The following CREB3L1 variants were observed in gnomAD, a reference collection of about 807,000 sequenced individuals.
The protein encoded by CREB3L1 is cyclic AMP-responsive element-binding protein 3-like protein 1.
A neutral mutation model predicts 54.5 loss-of-function variants in CREB3L1; 33 were observed. The observed-to-expected ratio is 0.61, with a 90% CI of 0.46 to 0.81. The LOEUF (loss-of-function observed/expected upper bound fraction) is 0.81, where lower values mean the gene tolerates loss of function less well. CREB3L1 is among the 30% of genes least tolerant of loss of function. The pLI, the probability that CREB3L1 is intolerant of heterozygous loss-of-function variation, is 0.00. For missense variants in CREB3L1, 656 were observed against 673.3 expected (o/e 0.97, Z 0.29); for synonymous variants, 284 against 286.4 (o/e 0.99, Z 0.08).
chr11:46,314,034 C>T (rs980219998), intron 8 of CREB3L1, among the ~76,000 whole-genome samples: 9 of 152,112 alleles, frequency 5.9e-5, no homozygotes, highest in Admixed American at 2.0e-4. Context: ...GCCAAGAGTT[C>T]GAGACCAGCC....
chr11:46,293,656 A>AGTCCCAGCCCTCAGT (rs1189748939), intron 1 of CREB3L1, among the ~76,000 whole-genome samples: 2 of 152,218 alleles, frequency 1.3e-5, no homozygotes, highest in Non-Finnish European at 2.9e-5. Context: ...CGCTTTCTTC[A>AGTCCCAGCCCTCAGT]GTCCCAGCCC....
intron 1 of CREB3L1, among the ~76,000 whole-genome samples, chr11:46,296,964 C>T (rs1489488137): frequency 6.6e-6 from 1 of 152,202 alleles, no homozygotes; most frequent in African/African-American, 2.4e-5. Flanking sequence ...TTCAGGGAGT[C>T]CAGCCCAGAT....
At chr11:46,308,710 G>A (rs376998577) in intron 3 of CREB3L1, among the ~76,000 whole-genome samples, 2 of 152,328 alleles carry the variant, frequency 1.3e-5, no homozygotes, top group South Asian at 2.1e-4. Flanking sequence ...AGATGGGAGC[G>A]TGGCTGGCCC....
At chr11:46,285,697 T>TGGCC (rs1939045254) in intron 1 of CREB3L1, among the ~76,000 whole-genome samples, 1 of 152,210 alleles carries the variant, frequency 6.6e-6, no homozygotes, top group South Asian at 2.1e-4. Flanking sequence ...GCCGCTTCCT[T>TGGCC]GGCCGTTGGC....
intron 1 of CREB3L1, among the ~76,000 whole-genome samples, chr11:46,281,726 C>A (rs566618729): frequency 6.6e-6 from 1 of 152,164 alleles, no homozygotes; most frequent in Non-Finnish European, 1.5e-5. Flanking sequence ...CCCCAGCCTT[C>A]GGGAGATTTA....
rs750728560 is a variant in CREB3L1 at position 46,321,184 on chromosome 11, G to A, written c.*438G>A. The A allele has an allele frequency of 5.9e-5, 20 of 338,878 alleles. No homozygotes were observed. Among genetic ancestry groups the A allele is most frequent in the Non-Finnish European group, 9.1e-5 (16 of 175,424 alleles). The allele number at this position is 338,878 out of a possible 1,614,324, so 21.0% of individuals were successfully genotyped here. The stretch of plus-strand genomic sequence containing the variant: ...ATTATTGCCAATCCCCTAAGATATT[G>A]TATTTTACAAATCTCCCTCTTCCCT... On this transcript the variant is annotated 3_prime_UTR_variant, in exon 12 of 12. Transcript: ENST00000621158.
In CREB3L1 at chr11:46,305,637, T is replaced by C. The variant is rs566949778; in HGVS notation, c.332-2179T>C. On this transcript the variant is annotated intron_variant, in intron 2 of 11. Coordinates refer to ENST00000621158, the MANE Select transcript of CREB3L1 (RefSeq NM_052854.4). ...GTGTGTGTATATATATGTATATATATACATATATATGTGTGTATATATGTG... is the reference window on the plus strand; with the variant it reads ...GTGTGTGTATATATATGTATATATACACATATATATGTGTGTATATATGTG... Among the ~76,000 whole-genome samples, 465 of 94,812 alleles carry C rather than the reference T, an allele frequency of 4.9e-3. 7 individuals are homozygous for C. The highest frequency in any genetic ancestry group is 0.02 in the African/African-American group (435 of 21,244). 62.2% of individuals were successfully genotyped at this position (94,812 alleles called of 152,430 possible).
chr11:46,307,456 T>C (rs1939415213), intron 2 of CREB3L1, among the ~76,000 whole-genome samples: 1 of 152,204 alleles, frequency 6.6e-6, no homozygotes, highest in African/African-American at 2.4e-5. Context: ...ATGTACATTA[T>C]ACTACTTAAG....
chr11:46,292,997 A>C (rs1208761673), intron 1 of CREB3L1, among the ~76,000 whole-genome samples: 2 of 152,090 alleles, frequency 1.3e-5, no homozygotes, highest in African/African-American at 4.8e-5. Flanking sequence ...CTTACCCTTC[A>C]TTGTCACACC....
At chr11:46,280,183 G>GTTTTT (rs796726505) in intron 1 of CREB3L1, among the ~76,000 whole-genome samples, 4 of 138,822 alleles carry the variant, frequency 2.9e-5, no homozygotes, top group Non-Finnish European at 3.2e-5. Context: ...TTTTTTTTTT[G>GTTTTT]TTTTTTGTTT....
rs549770300 is a variant in CREB3L1, at chr11:46,317,141, AC to A, written c.1132-214del. 7.8e-4 allele frequency among the ~76,000 whole-genome samples: 119 copies of A among 151,720 alleles called. 1 individual carries two copies. Among genetic ancestry groups the A allele is most frequent in the African/African-American group, 2.7e-3 (113 of 41,362 alleles). ...CTTACTTCTAGCACTGCCTGTGGCG[AC>A]CCCCCTACAATGGGCTGGGATGGCC... On this transcript the variant is annotated intron_variant, in intron 9 of 11. Coordinates refer to ENST00000621158, the MANE Select transcript of CREB3L1 (RefSeq NM_052854.4).
At position 46,277,862 on chromosome 11, in the gene CREB3L1, C is replaced by T; in HGVS notation, c.-250C>T. On this transcript the variant is annotated 5_prime_UTR_variant, in exon 1 of 12. Transcript: ENST00000621158. Reference sequence around the variant, plus strand: ...CAGGAGGAGCAGGAGGAGGTGGAGTCGGCTGAATGCCCACGGTGCGCCCGG... The same window carrying T: ...CAGGAGGAGCAGGAGGAGGTGGAGTTGGCTGAATGCCCACGGTGCGCCCGG... 5.6e-6 allele frequency: 2 copies of T among 357,504 alleles called. No individual in the cohort carries two copies. Among genetic ancestry groups the T allele is most frequent in the Non-Finnish European group, 1.0e-5 (2 of 199,264 alleles). The allele number at this position is 357,504 out of a possible 1,614,324, so 22.1% of individuals were successfully genotyped here. A position where few individuals can be genotyped will look rare whatever the true frequency, so the allele number is the denominator to read the frequency against.
At position 46,316,424 on chromosome 11, in the gene CREB3L1, G is replaced by A. The variant is rs563695692; in HGVS notation, c.1131+39G>A. 10 of 1,348,396 alleles carry A rather than the reference G, an allele frequency of 7.4e-6. No individual in the cohort carries two copies. In the African/African-American group the frequency reaches 1.3e-4, roughly 18 times the overall value. The allele number at this position is 1,348,396 out of a possible 1,614,324, so 83.5% of individuals were successfully genotyped here. A position where few individuals can be genotyped will look rare whatever the true frequency, so the allele number is the denominator to read the frequency against. On this transcript the variant is annotated intron_variant, in intron 9 of 11. Transcript: ENST00000621158. ...CCTCCACCACAGACCCACAGGAGGA[G>A]AGTTCTTCCCAAGGCTGGCTTTTTC...
At chr11:46,316,978 C>A (rs1939576037) in intron 9 of CREB3L1, among the ~76,000 whole-genome samples, 1 of 152,168 alleles carries the variant, frequency 6.6e-6, no homozygotes, top group Non-Finnish European at 1.5e-5. Context: ...GCTAGCCAGG[C>A]TCCTCAGAAT....
Position 46,277,994 on chromosome 11 carries a change from CG to C in CREB3L1, c.-117del. The C allele has an allele frequency of 3.3e-6, 1 of 303,946 alleles. No individual in the cohort carries two copies. The highest frequency in any genetic ancestry group is 5.7e-6 in the Non-Finnish European group (1 of 176,154). 18.8% of individuals were successfully genotyped at this position (303,946 alleles called of 1,614,324 possible). ...TCCGTCCGCCCCTCCCCCGGGGCTT[CG>C]CCCCGGACCTGCCCCCCGCCCGTTT... On this transcript the variant is annotated 5_prime_UTR_variant, in exon 1 of 12. Coordinates refer to ENST00000621158, the MANE Select transcript of CREB3L1 (RefSeq NM_052854.4).
rs897549562 is a variant in CREB3L1, at chr11:46,277,954, C to T, written c.-158C>T. On this transcript the variant is annotated 5_prime_UTR_variant, in exon 1 of 12. Transcript: ENST00000621158. Reference sequence around the variant, plus strand: ...CCCCGCGCGCCCCGCGCCCCCCACCCGGGGCCGCGCCGCCTCCGTCCGCCC... The same window carrying T: ...CCCCGCGCGCCCCGCGCCCCCCACCTGGGGCCGCGCCGCCTCCGTCCGCCC... 5 of 412,982 alleles carry T rather than the reference C, an allele frequency of 1.2e-5. No individual in the cohort carries two copies. The East Asian group carries it at 1.5e-4, about 12-fold the overall frequency. 25.6% of individuals were successfully genotyped at this position (412,982 alleles called of 1,614,324 possible).
intron 1 of CREB3L1, among the ~76,000 whole-genome samples, chr11:46,288,417 G>A (rs6485672): frequency 0.57 from 86,781 of 152,126 alleles, 27,964 homozygotes; most frequent in African/African-American, 0.88. Flanking sequence ...ATAATTGACT[G>A]TGGTCCCCCT....
intron 1 of CREB3L1, among the ~76,000 whole-genome samples, chr11:46,291,003 T>G (rs908986988): frequency 2.0e-5 from 3 of 152,114 alleles, no homozygotes; most frequent in Non-Finnish European, 4.4e-5. Context: ...CCCAGACCCC[T>G]GACCCTCAGT....
At chr11:46,304,891 C>A (rs1429365839) in intron 2 of CREB3L1, among the ~76,000 whole-genome samples, 1 of 152,160 alleles carries the variant, frequency 6.6e-6, no homozygotes, top group Non-Finnish European at 1.5e-5. Context: ...TGTCTGTGGG[C>A]CCTTTGCAGG....
Sources: allele counts gnomAD v4.1 joint callset (sites outside exome capture counted in the v4.1 genomes callset), GRCh38; gene constraint gnomAD v4.1.1; transcripts MANE v1.5; gene names NCBI Gene and HGNC (gene_info 2026-07-23, HGNC 2026-07-21).